Variants in ERC1 observed in about 807,000 individuals in gnomAD.
ERC1 encodes ELKS/RAB6-interacting/CAST family member 1, also known as RAB6 interacting protein 2.
In ERC1, 56 loss-of-function variants were observed where a neutral mutation model predicts 132.0. The observed-to-expected ratio is 0.42, with a 90% CI of 0.34 to 0.53. ERC1 has a LOEUF of 0.53. Ranked by LOEUF, ERC1 falls within the 20% of genes least tolerant of loss-of-function variation. ERC1 has a pLI of 0.03. For synonymous variants in ERC1, 478 were observed against 476.1 expected (o/e 1.00, Z -0.05); for missense variants, 1,202 against 1,349.9 (o/e 0.89, Z 1.72).
At chr12:1,376,062 C>G (rs78640590) in intron 16 of ERC1, among the ~76,000 whole-genome samples, 1 of 152,022 alleles carries the variant, frequency 6.6e-6, no homozygotes, top group South Asian at 2.1e-4. Context: ...TTGTCTCTAG[C>G]CACTTTATTT....
chr12:1,060,882 C>T (rs530770282), intron 2 of ERC1, among the ~76,000 whole-genome samples: 17 of 146,192 alleles, frequency 1.2e-4, no homozygotes, highest in African/African-American at 2.5e-4. Flanking sequence ...CCCACCACCA[C>T]GCCTGGCTAA....
At chr12:1,313,547 A>G (rs950647561) in intron 15 of ERC1, among the ~76,000 whole-genome samples, 2 of 152,148 alleles carry the variant, frequency 1.3e-5, no homozygotes, top group African/African-American at 4.8e-5. Flanking sequence ...AGAGGCACTA[A>G]CCAACCACCA....
chr12:1,271,625 A>G (rs2077861095), intron 14 of ERC1, among the ~76,000 whole-genome samples: 1 of 152,212 alleles, frequency 6.6e-6, no homozygotes, highest in East Asian at 1.9e-4. Context: ...TACAGGCATG[A>G]TTATAGCACA....
intron 16 of ERC1, among the ~76,000 whole-genome samples, chr12:1,400,916 A>ATTTTTTTTTTTTTTTTTTTTTTTTTTTTT (rs869202443): frequency 1.3e-4 from 2 of 15,040 alleles, no homozygotes; most frequent in Non-Finnish European, 2.2e-4. Flanking sequence ...CTATTTTTGT[A>ATTTTTTTTTTTTTTTTTTTTTTTTTTTTT]TTTTTTTTTT....
chr12:1,013,595 A>G (rs1965038061), intron 1 of ERC1, among the ~76,000 whole-genome samples: 2 of 152,114 alleles, frequency 1.3e-5, no homozygotes, highest in African/African-American at 4.8e-5. Flanking sequence ...TCTAGTCAGT[A>G]TTGGAGAATC....
At chr12:993,784 C>T (rs1203378891) in intron 1 of ERC1, among the ~76,000 whole-genome samples, 1 of 152,144 alleles carries the variant, frequency 6.6e-6, no homozygotes, top group Non-Finnish European at 1.5e-5. Context: ...TGCCTGTAAT[C>T]CCAGCTACTC....
At chr12:1,332,520 G>C (rs973093979) in intron 15 of ERC1, among the ~76,000 whole-genome samples, 1 of 152,166 alleles carries the variant, frequency 6.6e-6, no homozygotes, top group African/African-American at 2.4e-5. Context: ...TCCTTTGGTG[G>C]TGTTTGCAGG....
At chr12:1,171,597 G>A (rs997744319) in intron 8 of ERC1, among the ~76,000 whole-genome samples, 1 of 152,146 alleles carries the variant, frequency 6.6e-6, no homozygotes, top group Non-Finnish European at 1.5e-5. Flanking sequence ...GTAAAGGTCA[G>A]AGCCTTTTTG....
intron 2 of ERC1, among the ~76,000 whole-genome samples, chr12:1,069,299 C>T (rs1457824089): frequency 6.6e-6 from 1 of 152,136 alleles, no homozygotes; most frequent in Non-Finnish European, 1.5e-5. Context: ...TTATCATCTG[C>T]ATGGTGTACT....
intron 3 of ERC1, among the ~76,000 whole-genome samples, chr12:1,096,666 A>G (rs551829198): frequency 6.6e-6 from 1 of 152,348 alleles, no homozygotes; most frequent in South Asian, 2.1e-4. Flanking sequence ...AGGTGTTGGG[A>G]TGGAAGAAAA....
At chr12:1,216,156 G>A (rs905732225) in intron 12 of ERC1, among the ~76,000 whole-genome samples, 12 of 151,960 alleles carry the variant, frequency 7.9e-5, no homozygotes, top group African/African-American at 2.9e-4. Context: ...CTTTAATAAT[G>A]AAATCAGAAA....
chr12:1,363,198 T>C (rs1013562096), intron 15 of ERC1, among the ~76,000 whole-genome samples: 1 of 152,220 alleles, frequency 6.6e-6, no homozygotes, highest in African/African-American at 2.4e-5. Context: ...GTACAAACTT[T>C]TGTTTTTTGA....
At chr12:1,387,809 G>A (rs528905404) in intron 16 of ERC1, among the ~76,000 whole-genome samples, 6 of 152,302 alleles carry the variant, frequency 3.9e-5, no homozygotes, top group Non-Finnish European at 7.4e-5. Context: ...TGTTGTTTGT[G>A]ATCATTTCTT....
At chr12:1,127,293 A>G (rs2154234395) in intron 7 of ERC1, among the ~76,000 whole-genome samples, 1 of 152,310 alleles carries the variant, frequency 6.6e-6, no homozygotes, top group East Asian at 1.9e-4. Flanking sequence ...TATATTTCCC[A>G]GAAAAACTTT....
At chr12:1,308,100 G>A (rs2081015287) in intron 15 of ERC1, among the ~76,000 whole-genome samples, 1 of 152,106 alleles carries the variant, frequency 6.6e-6, no homozygotes, top group Admixed American at 6.6e-5. Flanking sequence ...CTTAAGACAG[G>A]GCAGTGTCCT....
At chr12:1,388,146 G>T (rs1415656614) in intron 16 of ERC1, among the ~76,000 whole-genome samples, 7 of 152,052 alleles carry the variant, frequency 4.6e-5, no homozygotes, top group Admixed American at 2.0e-4. Context: ...CGGATCAGGA[G>T]GTCAGAAGAT....
chr12:1,002,457 G>GACT, intron 1 of ERC1, among the ~76,000 whole-genome samples: 1 of 151,966 alleles, frequency 6.6e-6, no homozygotes, highest in Middle Eastern at 3.4e-3. Flanking sequence ...AAAGTGCTGG[G>GACT]ACTACAGGTG....
At chr12:1,017,854 T>C (rs561872429) in intron 1 of ERC1, among the ~76,000 whole-genome samples, 23 of 152,314 alleles carry the variant, frequency 1.5e-4, no homozygotes, top group African/African-American at 5.5e-4. Flanking sequence ...TCTTAAGTGC[T>C]TGGTACATCT....
chr12:1,375,883 C>T (rs2087848354), intron 16 of ERC1, among the ~76,000 whole-genome samples: 1 of 151,906 alleles, frequency 6.6e-6, no homozygotes, highest in South Asian at 2.1e-4. Flanking sequence ...ATTATGGGTG[C>T]CCGCCACCGC....
Sources: allele counts gnomAD v4.1 joint callset (sites outside exome capture counted in the v4.1 genomes callset), GRCh38; gene constraint gnomAD v4.1.1; transcripts MANE v1.5; gene names NCBI Gene and HGNC (gene_info 2026-07-23, HGNC 2026-07-21).